Variants in LONP2 observed in about 807,000 individuals in gnomAD.
The protein encoded by LONP2 is lon protease homolog 2, peroxisomal.
In LONP2, 60 loss-of-function variants were observed where a neutral mutation model predicts 85.6. The observed-to-expected ratio is 0.70, with a 90% CI of 0.57 to 0.87. The LOEUF is 0.87. Ranked by LOEUF, LONP2 falls within the 40% of genes least tolerant of loss-of-function variation. The pLI, the probability that LONP2 is intolerant of heterozygous loss-of-function variation, is 0.00. For missense variants in LONP2, 860 were observed against 1,063.5 expected, an observed-to-expected ratio of 0.81 and a Z score of 2.66; for synonymous variants, 395 against 389.7, an observed-to-expected ratio of 1.01 and a Z score of -0.16.
intron 11 of LONP2, among the ~76,000 whole-genome samples, chr16:48,325,273 A>T (rs1284826556): frequency 6.6e-6 from 1 of 151,958 alleles, no homozygotes; most frequent in East Asian, 1.9e-4. Context: ...CCCGCTGCTC[A>T]CCTCCTCCTG....
chr16:48,254,654 A>T (rs1241410194), intron 2 of LONP2, among the ~76,000 whole-genome samples: 1 of 152,100 alleles, frequency 6.6e-6, no homozygotes, highest in Non-Finnish European at 1.5e-5. Context: ...AATTGAATCT[A>T]TGCTTTCCCA....
At chr16:48,255,547 T>G (rs761286867) in intron 2 of LONP2, among the ~76,000 whole-genome samples, 24 of 152,282 alleles carry the variant, frequency 1.6e-4, no homozygotes, top group Admixed American at 2.6e-4. Context: ...TGACAGTTGT[T>G]TTTCTAAAAG....
intron 11 of LONP2, among the ~76,000 whole-genome samples, chr16:48,310,412 C>T (rs764804899): frequency 7.9e-5 from 12 of 151,690 alleles, no homozygotes; most frequent in East Asian, 3.9e-4. Flanking sequence ...AGTGCAATGG[C>T]GCGATCTTGG....
Position 48,355,353 on chromosome 16 carries a change from C to G in LONP2, c.*3551C>G, listed in dbSNP as rs1218124267. The G allele has an allele frequency of 6.6e-6, 1 of 152,072 alleles. No individual in the cohort carries two copies. Among genetic ancestry groups the G allele is most frequent in the Non-Finnish European group, 1.5e-5 (1 of 68,018 alleles). The allele number at this position is 152,072 out of a possible 1,614,324, so 9.4% of individuals were successfully genotyped here. On this transcript the variant is annotated 3_prime_UTR_variant, in exon 15 of 15. Transcript: ENST00000285737. Reference sequence around the variant, plus strand: ...AACCAATTACCTCCTTTTTGCCCTTCGATTCCCTTCCACCATATGAGGACA... The same window carrying G: ...AACCAATTACCTCCTTTTTGCCCTTGGATTCCCTTCCACCATATGAGGACA...
chr16:48,263,100 A>T (rs528711824), intron 6 of LONP2, among the ~76,000 whole-genome samples: 9 of 152,226 alleles, frequency 5.9e-5, no homozygotes, highest in Non-Finnish European at 1.2e-4. Flanking sequence ...TGAAACCATC[A>T]CAATCTTCAT....
At chr16:48,247,347 G>A (rs1445697014) in intron 1 of LONP2, 3 of 152,554 alleles carry the variant, frequency 2.0e-5, no homozygotes, top group African/African-American at 4.8e-5. Flanking sequence ...GAGGCCAGAA[G>A]AGGGGCTCTG....
chr16:48,297,611 A>G (rs1972702912), intron 9 of LONP2, among the ~76,000 whole-genome samples: 1 of 152,186 alleles, frequency 6.6e-6, no homozygotes, highest in Admixed American at 6.5e-5. Context: ...ACTCGGCCCT[A>G]AATGTCTTTA....
Position 48,354,079 on chromosome 16 carries a change from TGGGGGGGGTGGGGGGTTA to T in LONP2, c.*2282_*2299del, listed in dbSNP as rs1960244794. 5.8e-5 allele frequency: 1 copy of T among 17,374 alleles called. No homozygotes were observed. 1.1% of individuals were successfully genotyped at this position (17,374 alleles called of 1,614,324 possible). The stretch of plus-strand genomic sequence containing the variant: ...CTTTTTCACCTGGGTTTTTTTTTTT[TGGGGGGGGTGGGGGGTTA>T]GGGGTGGGGCGGGTGGGGAAGAGCC... On this transcript the variant is annotated 3_prime_UTR_variant, in exon 15 of 15. Coordinates refer to ENST00000285737, the MANE Select transcript of LONP2 (RefSeq NM_031490.5).
At chr16:48,325,230 C>T (rs898182586) in intron 11 of LONP2, among the ~76,000 whole-genome samples, 1 of 152,126 alleles carries the variant, frequency 6.6e-6, no homozygotes, top group Non-Finnish European at 1.5e-5. Flanking sequence ...CTGATCTGAC[C>T]GGAGGCGGTG....
chr16:48,327,566 T>C (rs1959278425), intron 11 of LONP2, among the ~76,000 whole-genome samples: 1 of 152,116 alleles, frequency 6.6e-6, no homozygotes, highest in African/African-American at 2.4e-5. Context: ...CAAGCGATTC[T>C]CATGTGTTAG....
At chr16:48,334,965 G>T in intron 12 of LONP2, 1 of 292,924 alleles carries the variant, frequency 3.4e-6, no homozygotes, top group Non-Finnish European at 6.8e-6. Flanking sequence ...TGTTTCCAGA[G>T]GCTGAATTTT....
At chr16:48,347,779 G>C (rs922691555) in intron 13 of LONP2, 65 bp downstream of exon 13, 5 of 1,466,634 alleles carry the variant, frequency 3.4e-6, no homozygotes, top group Admixed American at 2.0e-5. Context: ...GGCGGAGACT[G>C]GCATGAGCTC....
At chr16:48,359,134 C>G (rs1266905116), downstream of LONP2, among the ~76,000 whole-genome samples, 1 of 152,042 alleles carries the variant, frequency 6.6e-6, no homozygotes, top group Non-Finnish European at 1.5e-5. Flanking sequence ...GCCATCATGC[C>G]TGGCTTTTTT....
At chr16:48,348,006 C>G in intron 13 of LONP2, 94 bp from the exon 14 acceptor site, 1 of 1,196,114 alleles carries the variant, frequency 8.4e-7, no homozygotes. Flanking sequence ...TTCATTTACC[C>G]AAAACATTCA....
At chr16:48,258,276 G>T (rs376464871) in intron 3 of LONP2, among the ~76,000 whole-genome samples, 3 of 151,678 alleles carry the variant, frequency 2.0e-5, no homozygotes, top group South Asian at 2.1e-4. Flanking sequence ...GAACCCAGGA[G>T]GGGGAGCTTG....
chr16:48,324,354 AG>A (rs1310903394), intron 11 of LONP2, among the ~76,000 whole-genome samples: 1 of 152,176 alleles, frequency 6.6e-6, no homozygotes, highest in Non-Finnish European at 1.5e-5. Flanking sequence ...CAAACAGTTG[AG>A]ATGTAAACAT....
chr16:48,286,830 G>A (rs148447034), intron 8 of LONP2, among the ~76,000 whole-genome samples: 33 of 151,556 alleles, frequency 2.2e-4, no homozygotes, highest in African/African-American at 5.1e-4. Context: ...CTTTAGGGCC[G>A]TACTTTTGTA....
chr16:48,263,004 A>G lies in LONP2; in HGVS notation c.982+132A>G, dbSNP rs1003208891. On this transcript the variant is annotated intron_variant, in intron 6 of 14. Coordinates refer to ENST00000285737, the MANE Select transcript of LONP2 (RefSeq NM_031490.5). ...TTTTGTTTTCAATTTTTTTGAAACC[A>G]TTTTATTGAAGTGTGATTGTCGTAC... 4 of 618,066 alleles carry G rather than the reference A, an allele frequency of 6.5e-6. No homozygotes were observed. In the African/African-American group the frequency reaches 7.5e-5, roughly 12 times the overall value. 38.3% of individuals were successfully genotyped at this position (618,066 alleles called of 1,614,324 possible).
intron 8 of LONP2, among the ~76,000 whole-genome samples, chr16:48,280,674 G>A (rs1384206159): frequency 6.6e-6 from 1 of 152,144 alleles, no homozygotes; most frequent in African/African-American, 2.4e-5. Flanking sequence ...AATAGCATTG[G>A]TTCCTTACAG....
Sources: gnomAD v4.1 joint callset for allele counts (sites outside exome capture counted in the v4.1 genomes callset) on GRCh38, gnomAD v4.1.1 for gene constraint, MANE v1.5 for transcripts, NCBI Gene and HGNC (gene_info 2026-07-23, HGNC 2026-07-21) for gene names.